NOL6: variants seen among roughly 807,000 people sequenced by gnomAD.
NOL6 encodes the protein nucleolar protein 6, also known as nucleolar RNA-associated protein.
NOL6 carries 33 observed loss-of-function variants against 131.7 expected under a neutral mutation model. The ratio of observed to expected loss-of-function variants is 0.25; its 90% confidence interval spans 0.19 to 0.33. NOL6 has a LOEUF of 0.33. NOL6 is among the 10% of genes least tolerant of loss of function. NOL6 has a pLI of 1.00. For synonymous variants in NOL6, 580 were observed against 605.7 expected (o/e 0.96, Z 0.62); for missense variants, 1,297 against 1,494.5 (o/e 0.87, Z 2.18).
chr9:33,471,250 C>T (rs1032484531), intron 3 of NOL6, among the ~76,000 whole-genome samples: 3 of 152,210 alleles, frequency 2.0e-5, no homozygotes, highest in African/African-American at 7.2e-5. Flanking sequence ...AGGACAAGAG[C>T]GAGACTTCGT....
rs761706757 is a variant in NOL6, at chr9:33,466,096, G to A, written c.2339C>T (p.Thr780Ile). 4.4e-6 allele frequency: 7 copies of A among 1,599,776 alleles called. No homozygotes were observed. In the South Asian group the frequency reaches 7.8e-5, roughly 18 times the overall value. ...TQQHGLQCRA[T>I]ATHTDVLKDG... ...CTTAAGGACATCCGTGTGCGTGGCA[G>A]TGGCACGGCACTGCAGACCATGCTG... is the stretch of plus-strand genomic sequence containing the variant. The change falls in exon 18 of 26, where the codon ACT becomes ATT. Residue 780 changes from threonine to isoleucine, a missense_variant. Thr to Ile is a moderately conservative substitution (Grantham distance 89). Coordinates refer to ENST00000297990, the MANE Select transcript of NOL6 (RefSeq NM_022917.5).
intron 9 of NOL6, 40 bp from the exon 10 acceptor site, chr9:33,468,462 T>C: frequency 6.2e-7 from 1 of 1,613,838 alleles, no homozygotes; most frequent in Non-Finnish European, 8.5e-7. Context: ...GATTGGCACC[T>C]TACTTGCAGG....
At chr9:33,462,977 C>A (rs1475497981) in intron 25 of NOL6, 56 bp downstream of exon 25, 1 of 1,556,114 alleles carries the variant, frequency 6.4e-7, no homozygotes, top group African/African-American at 1.4e-5. Context: ...GACATGCATG[C>A]CCACACAGAA....
rs1827307325 is a variant in NOL6, at chr9:33,468,316, G to A, written c.1308+5C>T. The A allele has an allele frequency of 6.2e-7, 1 of 1,613,234 alleles. No individual in the cohort carries two copies. Among genetic ancestry groups the A allele is most frequent in the Non-Finnish European group, 8.5e-7 (1 of 1,179,268 alleles). ...GGGGAACACAGATTGGGGGCCCATT[G>A]GTACCTGGTGGTAAGTAGAGGCAGT... is the stretch of plus-strand genomic sequence containing the variant. On this transcript the variant is annotated splice_donor_5th_base_variant and intron_variant, in intron 10 of 25. Transcript: ENST00000297990.
At position 33,463,111 on chromosome 9, in the gene NOL6, A is replaced by T. The variant is rs1827141968; in HGVS notation, c.3213T>A (p.Leu1071=). The T allele has an allele frequency of 6.2e-7, 1 of 1,613,656 alleles. No individual in the cohort carries two copies. The highest frequency in any genetic ancestry group is 1.3e-5 in the African/African-American group (1 of 74,914). ...CTCCACCATGCTGGTCATAGAAGAA[A>T]AGGGCCAGATCCCCAAAGGCCTCCT... ...QLREAFGDLA[L]FFYDQHGGEV... Residue 1071 remains leucine, a synonymous_variant, in exon 25 of 26, where the codon CTT becomes CTA. Transcript: ENST00000297990.
chr9:33,463,763 CCTGAACG>C, intron 23 of NOL6, 61 bp downstream of exon 23: 9 of 1,526,326 alleles, frequency 5.9e-6, no homozygotes, highest in Non-Finnish European at 7.2e-6. Flanking sequence ...CTGTGAGATC[CCTGAACG>C]CTGAACTTCC....
chr9:33,468,282 G>A, intron 10 of NOL6, 39 bp downstream of exon 10: 1 of 1,610,786 alleles, frequency 6.2e-7, no homozygotes, highest in Non-Finnish European at 8.5e-7. Flanking sequence ...AGTCTGGGCT[G>A]AGACATCAGG....
In NOL6 at chr9:33,472,123, G is replaced by GT. The variant is rs1248613247; in HGVS notation, c.262-4dup. On this transcript the variant is annotated splice_region_variant and splice_polypyrimidine_tract_variant and intron_variant, in intron 2 of 25. Coordinates refer to ENST00000297990, the MANE Select transcript of NOL6 (RefSeq NM_022917.5). ...ACTTCCTTTAGTAGCTCCTCTACCT[G>GT]TAAGAGAGGGTAGAAGACAGTCCAT... The GT allele has an allele frequency of 5.6e-6, 9 of 1,612,814 alleles. No homozygotes were observed. The South Asian group carries it at 8.8e-5, about 16-fold the overall frequency.
chr9:33,470,308 C>T, intron 3 of NOL6, 117 bp from the exon 4 acceptor site: 4 of 921,456 alleles, frequency 4.3e-6, no homozygotes, highest in Non-Finnish European at 6.0e-6. Flanking sequence ...CCCAATCTTC[C>T]CATAACTATG....
Position 33,468,099 on chromosome 9 carries a change from G to A in NOL6, c.1355C>T (p.Ala452Val). ...RLSMMLLDSR[A>V]DDGFHLLLMT... Reference sequence around the variant, plus strand: ...CAACAGCAGGTGGAACCCGTCGTCAGCTCTGCTGTCCAGCAACATCATAGA... The same window carrying A: ...CAACAGCAGGTGGAACCCGTCGTCAACTCTGCTGTCCAGCAACATCATAGA... Residue 452 changes from alanine (A) to valine (V), a missense_variant, in exon 11 of 26, where the codon GCT (alanine) becomes GTT (valine). Ala to Val is a moderately conservative substitution (Grantham distance 64). Coordinates refer to ENST00000297990, the MANE Select transcript of NOL6 (RefSeq NM_022917.5). 6.2e-7 allele frequency: 1 copy of A among 1,614,180 alleles called. No homozygotes were observed. The highest frequency in any genetic ancestry group is 1.7e-5 in the Admixed American group (1 of 60,030).
At position 33,472,402 on chromosome 9, in the gene NOL6, G is replaced by A. The variant is rs561278902; in HGVS notation, c.65C>T (p.Pro22Leu). Residue 22 changes from proline to leucine, a missense_variant, in exon 2 of 26, where the codon CCA becomes CTA. Transcript: ENST00000297990. ...CTCTTTGCCTGTGCCTTCCAGGGCT[G>A]GTTCCATCACCTGTGGCCAGTGAGG... ...GATGEPEVMEPALEGTGKEGK... is the reference protein window; with the variant it reads ...GATGEPEVMELALEGTGKEGK... 72 of 1,613,760 alleles carry A rather than the reference G, an allele frequency of 4.5e-5. 2 individuals are homozygous for A. In the South Asian group the frequency reaches 7.7e-4, roughly 17 times the overall value.
chr9:33,462,989 C>T, intron 25 of NOL6, 44 bp downstream of exon 25: 1 of 1,580,550 alleles, frequency 6.3e-7, no homozygotes, highest in Non-Finnish European at 8.7e-7. Context: ...CACACAGAAC[C>T]ACGTGCACAC....
intron 19 of NOL6, 130 bp from the exon 20 acceptor site, chr9:33,465,489 C>G: frequency 8.3e-7 from 1 of 1,200,232 alleles, no homozygotes; most frequent in East Asian, 2.6e-5. Flanking sequence ...AGAAATGCAC[C>G]AAGAAGTTGA....
rs1400763000 is a variant in NOL6 at position 33,462,636 on chromosome 9, C to T, written c.*28G>A. 3.7e-6 allele frequency: 6 copies of T among 1,611,974 alleles called. No homozygotes were observed. Among genetic ancestry groups the T allele is most frequent in the Non-Finnish European group, 5.1e-6 (6 of 1,178,526 alleles). On this transcript the variant is annotated 3_prime_UTR_variant, in exon 26 of 26. Transcript: ENST00000297990. ...CTCTAGAGGTCCAATGTCCTGCTGT[C>T]CGTCTACAGCTTGCTCCAGAGCTGG...
intron 24 of NOL6, 30 bp downstream of exon 24, chr9:33,463,216 TC>T (rs758522893): frequency 5.0e-6 from 8 of 1,610,574 alleles, no homozygotes; most frequent in Non-Finnish European, 6.8e-6. Flanking sequence ...GGAAGTCCCC[TC>T]CCCAGGTCAT....
At chr9:33,472,477 C>G (rs1827440827) in intron 1 of NOL6, 65 bp from the exon 2 acceptor site, 1 of 1,318,924 alleles carries the variant, frequency 7.6e-7, no homozygotes, top group African/African-American at 1.4e-5. Flanking sequence ...GCCTAAAGTG[C>G]CACCATGATA....
rs1289740315 is a variant in NOL6, at chr9:33,467,997, C to T, written c.1424+33G>A. 3 of 1,613,802 alleles carry T rather than the reference C, an allele frequency of 1.9e-6. No individual in the cohort carries two copies. Among genetic ancestry groups the T allele is most frequent in the Non-Finnish European group, 1.7e-6 (2 of 1,179,888 alleles). On this transcript the variant is annotated intron_variant, in intron 11 of 25. Coordinates refer to ENST00000297990, the MANE Select transcript of NOL6 (RefSeq NM_022917.5). The surrounding 1 kb of genome is among the most constrained non-coding windows in gnomAD (Gnocchi z 4.4). Reference sequence around the variant, plus strand: ...CCACTGTAGCCCCGAAGAGACAGGACCCGCCAACATACCCTGTCACCCCTA... The same window carrying T: ...CCACTGTAGCCCCGAAGAGACAGGATCCGCCAACATACCCTGTCACCCCTA...
In NOL6 at chr9:33,472,376, C is replaced by T. The variant is rs773155481; in HGVS notation, c.91G>A (p.Gly31Arg). ...EPALEGTGKEGKKASSRKRTL... is the reference protein window; with the variant it reads ...EPALEGTGKERKKASSRKRTL... ...CGCTTCCTGGAGGATGCTTTCTTCC[C>T]CTCTTTGCCTGTGCCTTCCAGGGCT... The change falls in exon 2 of 26, where the codon GGG becomes AGG. Residue 31 changes from glycine (G) to arginine (R), a missense_variant. Physicochemically the swap from Gly to Arg is moderately radical, Grantham distance 125. Coordinates refer to ENST00000297990, the MANE Select transcript of NOL6 (RefSeq NM_022917.5). 3.3e-5 allele frequency: 54 copies of T among 1,614,030 alleles called. No individual in the cohort carries two copies. Among genetic ancestry groups the T allele is most frequent in the Non-Finnish European group, 4.2e-5 (50 of 1,180,032 alleles).
chr9:33,468,585 G>T lies in NOL6; in HGVS notation c.1148-19C>A, dbSNP rs576400021. On this transcript the variant is annotated intron_variant, in intron 8 of 25. Transcript: ENST00000297990. ...GTAGTGGCTGAAGTGAATCACAAGT[G>T]TATTAGAAGGTATCCCCTTCTGGGG... 19 of 1,613,406 alleles carry T rather than the reference G, an allele frequency of 1.2e-5. 1 individual carries two copies. In the South Asian group the frequency reaches 1.8e-4, roughly 15 times the overall value.
Sources: gnomAD v4.1 joint callset for allele counts (sites outside exome capture counted in the v4.1 genomes callset) on GRCh38, gnomAD v4.1.1 for gene constraint, Gnocchi (gnomAD v3.1) non-coding constraint, MANE v1.5 for transcripts, NCBI Gene and HGNC (gene_info 2026-07-23, HGNC 2026-07-21) for gene names.